Variants in LSAMP observed in about 807,000 individuals in gnomAD.
The protein encoded by LSAMP is limbic system-associated membrane protein.
LSAMP carries 7 observed loss-of-function variants against 38.6 expected under a neutral mutation model. The ratio of observed to expected loss-of-function variants is 0.18; its 90% CI spans 0.10 to 0.34. LSAMP has a LOEUF of 0.34. LSAMP is among the 10% of genes least tolerant of loss of function. The pLI, the probability that LSAMP is intolerant of heterozygous loss-of-function variation, is 1.00. For missense variants in LSAMP, 313 were observed against 420.0 expected (o/e 0.75, Z 2.23); for synonymous variants, 154 against 166.8 (o/e 0.92, Z 0.59).
At chr3:116,095,356 A>G (rs1473867986) in intron 1 of LSAMP, among the ~76,000 whole-genome samples, 1 of 152,222 alleles carries the variant, frequency 6.6e-6, no homozygotes, top group Non-Finnish European at 1.5e-5. Context: ...ACTATCACTA[A>G]AGAACACCTT....
At chr3:116,133,579 C>G (rs115945420) in intron 1 of LSAMP, among the ~76,000 whole-genome samples, 1,719 of 152,202 alleles carry the variant, frequency 0.011, 13 homozygotes, top group Non-Finnish European at 0.018. Context: ...TTTCAAAGTT[C>G]TGAGATTACA....
At chr3:115,870,349 A>T (rs1489699326) in intron 3 of LSAMP, among the ~76,000 whole-genome samples, 1 of 152,206 alleles carries the variant, frequency 6.6e-6, no homozygotes, top group Non-Finnish European at 1.5e-5. Context: ...GGAATATAGT[A>T]GATGAGAACA....
chr3:116,033,742 G>T (rs1229129308), intron 2 of LSAMP, among the ~76,000 whole-genome samples: 1 of 151,992 alleles, frequency 6.6e-6, no homozygotes, highest in Non-Finnish European at 1.5e-5. Flanking sequence ...CTTCCAACAA[G>T]AAATGATTTT....
intron 1 of LSAMP, among the ~76,000 whole-genome samples, chr3:116,422,835 A>G (rs1026202616): frequency 1.3e-5 from 2 of 152,220 alleles, no homozygotes; most frequent in African/African-American, 4.8e-5. Context: ...ACCCCTTCAG[A>G]AATGTCTTAC....
At chr3:115,869,265 AGG>A (rs200509380) in intron 3 of LSAMP, among the ~76,000 whole-genome samples, 2,777 of 146,614 alleles carry the variant, frequency 0.019, 39 homozygotes, top group Non-Finnish European at 0.03. Flanking sequence ...TCTATCTTGG[AGG>A]GGGAGAGAGA....
intron 1 of LSAMP, among the ~76,000 whole-genome samples, chr3:116,372,923 A>C (rs936951041): frequency 6.6e-6 from 1 of 151,182 alleles, no homozygotes. Context: ...AATTAAAACA[A>C]TTTTGCACCG....
At chr3:116,420,734 G>A (rs1470996175) in intron 1 of LSAMP, among the ~76,000 whole-genome samples, 8 of 152,054 alleles carry the variant, frequency 5.3e-5, no homozygotes, top group African/African-American at 1.4e-4. Flanking sequence ...AATATTAGCC[G>A]GGCGTGGTGG....
chr3:116,396,531 C>T (rs2048770162), intron 1 of LSAMP, among the ~76,000 whole-genome samples: 1 of 152,212 alleles, frequency 6.6e-6, no homozygotes, highest in African/African-American at 2.4e-5. Flanking sequence ...ACTACATCTA[C>T]TGCTTTTCAT....
chr3:115,997,058 G>A (rs1242926215), intron 3 of LSAMP, among the ~76,000 whole-genome samples: 1 of 152,142 alleles, frequency 6.6e-6, no homozygotes. Context: ...GAGCCCTGTG[G>A]ACCTTACATG....
At chr3:115,876,121 A>T (rs1223900393) in intron 3 of LSAMP, among the ~76,000 whole-genome samples, 1 of 151,930 alleles carries the variant, frequency 6.6e-6, no homozygotes. Context: ...TCATAGGGTT[A>T]TCTTCATTTT....
At chr3:116,268,385 A>G (rs975464265) in intron 1 of LSAMP, among the ~76,000 whole-genome samples, 3 of 151,882 alleles carry the variant, frequency 2.0e-5, no homozygotes, top group Non-Finnish European at 4.4e-5. Flanking sequence ...TCCATACCCT[A>G]TCCTTCATGT....
Position 116,165,841 on chromosome 3 carries a change from C to T in LSAMP, c.156-79285G>A, listed in dbSNP as rs187286916. Among the ~76,000 whole-genome samples the T allele has an allele frequency of 3.6e-3, 548 of 152,222 alleles. 2 individuals are homozygous for T. The highest frequency in any genetic ancestry group is 5.4e-3 in the Non-Finnish European group (366 of 68,028). ...AGCCCTGGAATATCTCTCCCTGGTT[C>T]CCTGCATAATTGGCTTCTTCTCATC... On this transcript the variant is annotated intron_variant, in intron 1 of 6. Coordinates refer to ENST00000490035, the MANE Select transcript of LSAMP (RefSeq NM_002338.5).
Position 115,805,008 on chromosome 3 carries a change from A to G in LSAMP, c.*5309T>C, listed in dbSNP as rs889668265. 1.3e-5 allele frequency: 2 copies of G among 152,222 alleles called. No individual in the cohort carries two copies. The highest frequency in any genetic ancestry group is 2.9e-5 in the Non-Finnish European group (2 of 68,026). 9.4% of individuals were successfully genotyped at this position (152,222 alleles called of 1,614,324 possible). A position where few individuals can be genotyped will look rare whatever the true frequency, so the allele number is the denominator to read the frequency against. Reference sequence around the variant, plus strand: ...CAAGCTTTCCCACTGCTTTTGTTGAATGGAAAATAAAAACTGAGTAATATT... The same window carrying G: ...CAAGCTTTCCCACTGCTTTTGTTGAGTGGAAAATAAAAACTGAGTAATATT... On this transcript the variant is annotated 3_prime_UTR_variant, in exon 7 of 7. Transcript: ENST00000490035.
intron 1 of LSAMP, among the ~76,000 whole-genome samples, chr3:116,413,552 A>T (rs2049007855): frequency 6.6e-6 from 1 of 151,948 alleles, no homozygotes; most frequent in African/African-American, 2.4e-5. Flanking sequence ...CATAGCCTAG[A>T]TACTCACTTA....
intron 1 of LSAMP, among the ~76,000 whole-genome samples, chr3:116,393,908 T>C (rs1051580455): frequency 6.6e-6 from 1 of 152,220 alleles, no homozygotes; most frequent in Non-Finnish European, 1.5e-5. Flanking sequence ...TATGTTTGCA[T>C]GGAACGACAA....
chr3:116,046,663 C>T (rs1018370126), intron 2 of LSAMP, among the ~76,000 whole-genome samples: 10 of 152,150 alleles, frequency 6.6e-5, no homozygotes, highest in African/African-American at 2.4e-4. Context: ...TCTGCTGCAG[C>T]AACCCTGAAA....
At chr3:116,336,950 AC>A in intron 1 of LSAMP, among the ~76,000 whole-genome samples, 1 of 151,884 alleles carries the variant, frequency 6.6e-6, no homozygotes, top group African/African-American at 2.4e-5. Context: ...TGGCACACAC[AC>A]ACACATATAT....
intron 3 of LSAMP, among the ~76,000 whole-genome samples, chr3:115,932,555 G>A (rs1307863303): frequency 6.6e-6 from 1 of 152,178 alleles, no homozygotes; most frequent in Non-Finnish European, 1.5e-5. Context: ...AAGAGAAACA[G>A]TCCATTGCTA....
intron 1 of LSAMP, among the ~76,000 whole-genome samples, chr3:116,315,066 T>C (rs2047610037): frequency 6.6e-6 from 1 of 152,192 alleles, no homozygotes; most frequent in African/African-American, 2.4e-5. Context: ...TACTACAGGA[T>C]CATTACCTAC....
Sources: allele counts gnomAD v4.1 joint callset (sites outside exome capture counted in the v4.1 genomes callset), GRCh38; gene constraint gnomAD v4.1.1; transcripts MANE v1.5; gene names NCBI Gene and HGNC (gene_info 2026-07-23, HGNC 2026-07-21).